The following ABLIM3 variants were observed in gnomAD, a reference collection of about 807,000 sequenced individuals.
ABLIM3 encodes actin binding LIM protein family member 3, also known as actin-binding LIM protein 3.
A neutral mutation model predicts 109.5 loss-of-function variants in ABLIM3; 61 were observed. The observed-to-expected ratio is 0.56, with a 90% CI of 0.45 to 0.69. The LOEUF (loss-of-function observed/expected upper bound fraction) is 0.69. Among genes scored for constraint, ABLIM3 ranks in the 30% least tolerant of loss-of-function variants. The pLI is 0.00. For missense variants in ABLIM3, 796 were observed against 889.5 expected (o/e 0.89, Z 1.34); for synonymous variants, 300 against 324.8 (o/e 0.92, Z 0.82).
intron 6 of ABLIM3, among the ~76,000 whole-genome samples, chr5:149,208,931 C>G (rs1015602347): frequency 1.3e-5 from 2 of 152,170 alleles, no homozygotes; most frequent in African/African-American, 2.4e-5. Flanking sequence ...TTCAAAAATG[C>G]AAAGAAGAAG....
chr5:149,181,297 G>C (rs1012919978), intron 2 of ABLIM3, among the ~76,000 whole-genome samples: 1 of 151,686 alleles, frequency 6.6e-6, no homozygotes. Context: ...AACATTCTGG[G>C]GGGTGGGGAA....
intron 2 of ABLIM3, among the ~76,000 whole-genome samples, chr5:149,154,618 T>A (rs1468308172): frequency 6.6e-6 from 1 of 152,254 alleles, no homozygotes; most frequent in African/African-American, 2.4e-5. Context: ...CCTTGAATTC[T>A]GTGTCTAGGG....
At chr5:149,225,692 A>G (rs1761114169) in intron 8 of ABLIM3, among the ~76,000 whole-genome samples, 2 of 152,022 alleles carry the variant, frequency 1.3e-5, no homozygotes, top group South Asian at 4.1e-4. Flanking sequence ...GTAGTCTTTT[A>G]TCCCCTACCC....
Position 149,247,942 on chromosome 5 carries a change from C to G in ABLIM3, c.1699+13C>G. The G allele has an allele frequency of 6.2e-7, 1 of 1,611,606 alleles. No individual in the cohort carries two copies. The highest frequency in any genetic ancestry group is 2.2e-5 in the East Asian group (1 of 44,808). On this transcript the variant is annotated intron_variant, in intron 18 of 23. Transcript: ENST00000309868. ...TCCCTCAATGGCTGTAAGCATGGCTCTGGAAGCCCAACGGGGCGGGGACAC... is the reference window on the plus strand; with the variant it reads ...TCCCTCAATGGCTGTAAGCATGGCTGTGGAAGCCCAACGGGGCGGGGACAC...
chr5:149,233,426 G>T lies in ABLIM3; in HGVS notation c.888+126G>T, dbSNP rs114858765. On this transcript the variant is annotated intron_variant, in intron 10 of 23. Coordinates refer to ENST00000309868, the MANE Select transcript of ABLIM3 (RefSeq NM_014945.5). ...GACATTTGATGCATGCTCTTCATGTGCTAGGCTCTGTACCAGGTCTTGAGG... is the reference window on the plus strand; with the variant it reads ...GACATTTGATGCATGCTCTTCATGTTCTAGGCTCTGTACCAGGTCTTGAGG... 2,079 of 978,412 alleles carry T rather than the reference G, an allele frequency of 2.1e-3. 26 individuals are homozygous for T. In the African/African-American group the frequency reaches 0.03, roughly 14 times the overall value. The allele number at this position is 978,412 out of a possible 1,614,324, so 60.6% of individuals were successfully genotyped here.
intron 2 of ABLIM3, among the ~76,000 whole-genome samples, chr5:149,169,268 A>T (rs373286439): frequency 1.3e-5 from 2 of 152,138 alleles, no homozygotes; most frequent in East Asian, 1.9e-4. Flanking sequence ...AAACCCAGAG[A>T]GGGCCAGTTC....
rs757974836 is a variant in ABLIM3, at chr5:149,233,231, T to C, written c.819T>C (p.His273=). The part of the protein sequence containing the change: ...QAARAEKKLK[H]RRTSETSISP... ...TTCTGTCTTCATCTCTCTCACAGCATAGACGGACATCTGAAACCTCCATCT... is the reference window on the plus strand; with the variant it reads ...TTCTGTCTTCATCTCTCTCACAGCACAGACGGACATCTGAAACCTCCATCT... Residue 273 remains histidine, a splice_region_variant and synonymous_variant, in exon 10 of 24, where the codon CAT becomes CAC. Transcript: ENST00000309868. The C allele has an allele frequency of 1.9e-6, 3 of 1,614,172 alleles. No individual in the cohort carries two copies. Among genetic ancestry groups the C allele is most frequent in the African/African-American group, 1.3e-5 (1 of 75,054 alleles).
rs146994646 is a variant in ABLIM3, at chr5:149,244,403, C to T, written c.1352-478C>T. 7 of 170,370 alleles carry T rather than the reference C, an allele frequency of 4.1e-5. No homozygotes were observed. The East Asian group carries it at 8.6e-4, about 21-fold the overall frequency. The allele number at this position is 170,370 out of a possible 1,614,324, so 10.6% of individuals were successfully genotyped here. ...CACTCCTTCCTTCAGGCTATGTAGT[C>T]CCTGAGCAGAATGTGGCATCTCAGG... On this transcript the variant is annotated intron_variant, in intron 15 of 23. Coordinates refer to ENST00000309868, the MANE Select transcript of ABLIM3 (RefSeq NM_014945.5).
At chr5:149,152,444 C>T (rs1408523417) in intron 2 of ABLIM3, among the ~76,000 whole-genome samples, 2 of 152,158 alleles carry the variant, frequency 1.3e-5, no homozygotes, top group Non-Finnish European at 2.9e-5. Context: ...GAGCAAAACC[C>T]TGCCACATGT....
At chr5:149,153,437 A>G (rs1580992694) in intron 2 of ABLIM3, among the ~76,000 whole-genome samples, 1 of 152,150 alleles carries the variant, frequency 6.6e-6, no homozygotes, top group South Asian at 2.1e-4. Flanking sequence ...CATGGCAGCC[A>G]TTGGAGGAAG....
rs141776433 is a variant in ABLIM3 at position 149,147,779 on chromosome 5, T to G, written c.13+5671T>G. On this transcript the variant is annotated intron_variant, in intron 2 of 23. Coordinates refer to ENST00000309868, the MANE Select transcript of ABLIM3 (RefSeq NM_014945.5). ...TTTTTTATGTGTTAGATGTGTGGTC[T>G]TCAGTATGGTTGTCTCATGAGCAAA... 2.8e-3 allele frequency among the ~76,000 whole-genome samples: 432 copies of G among 152,310 alleles called. 2 individuals carry two copies. Among genetic ancestry groups the G allele is most frequent in the African/African-American group, 0.01 (424 of 41,562 alleles).
chr5:149,195,726 C>CG (rs1271831072), intron 3 of ABLIM3, among the ~76,000 whole-genome samples: 2 of 152,230 alleles, frequency 1.3e-5, no homozygotes, highest in African/African-American at 4.8e-5. Context: ...ACCTGCACGG[C>CG]CCAGAACAGC....
chr5:149,256,807 T>C (rs1468306590), intron 23 of ABLIM3, among the ~76,000 whole-genome samples: 1 of 152,228 alleles, frequency 6.6e-6, no homozygotes, highest in Non-Finnish European at 1.5e-5. Context: ...ATGGGCTTTG[T>C]CCTATTTTCT....
At chr5:149,159,538 G>A (rs529621365) in intron 2 of ABLIM3, among the ~76,000 whole-genome samples, 31 of 152,248 alleles carry the variant, frequency 2.0e-4, no homozygotes, top group Middle Eastern at 3.4e-3. Flanking sequence ...ACATATATGC[G>A]TGTATCCCCT....
At chr5:149,205,803 G>C (rs1167311328) in intron 5 of ABLIM3, among the ~76,000 whole-genome samples, 1 of 152,202 alleles carries the variant, frequency 6.6e-6, no homozygotes, top group East Asian at 1.9e-4. Context: ...CAACAGCCAA[G>C]AGGCGGAGTA....
In ABLIM3 at chr5:149,258,743, G is replaced by A. The variant is rs973062774; in HGVS notation, c.*339G>A. 101 of 1,008,556 alleles carry A rather than the reference G, an allele frequency of 1.0e-4. No homozygotes were observed. Among genetic ancestry groups the A allele is most frequent in the South Asian group, 1.3e-4 (3 of 22,642 alleles). 62.5% of individuals were successfully genotyped at this position (1,008,556 alleles called of 1,614,324 possible). ...AAGAAGTCTCTCTTCTCTCTGCTTC[G>A]TGGCCCCTTTCTTAAATTTCTAGGG... On this transcript the variant is annotated 3_prime_UTR_variant, in exon 24 of 24. Transcript: ENST00000309868.
chr5:149,229,972 C>A (rs754720357), intron 8 of ABLIM3, among the ~76,000 whole-genome samples: 1 of 152,150 alleles, frequency 6.6e-6, no homozygotes, highest in Admixed American at 6.5e-5. Context: ...TGCTCTCAAG[C>A]GGAATATACA....
At position 149,259,225 on chromosome 5, in the gene ABLIM3, ACCCTCCTCTCT is replaced by A. The variant is rs1054018161; in HGVS notation, c.*827_*837del. On this transcript the variant is annotated 3_prime_UTR_variant, in exon 24 of 24. Transcript: ENST00000309868. ...AATCAGAGCTGCAGGATTTCTTGGG[ACCCTCCTCTCT>A]CCCTCACTGCTCCCAGCACCTCCTG... is the stretch of plus-strand genomic sequence containing the variant. 44 of 1,172,848 alleles carry A rather than the reference ACCCTCCTCTCT, an allele frequency of 3.8e-5. No homozygotes were observed. The African/African-American group carries it at 6.9e-4, about 18-fold the overall frequency. The allele number at this position is 1,172,848 out of a possible 1,614,324, so 72.7% of individuals were successfully genotyped here.
intron 8 of ABLIM3, among the ~76,000 whole-genome samples, chr5:149,230,023 G>A (rs778923752): frequency 6.6e-6 from 1 of 152,230 alleles, no homozygotes. Flanking sequence ...AGCTCTGGTA[G>A]ACAGTCATAA....
Sources: allele counts gnomAD v4.1 joint callset (sites outside exome capture counted in the v4.1 genomes callset), GRCh38; gene constraint gnomAD v4.1.1; transcripts MANE v1.5; gene names NCBI Gene and HGNC (gene_info 2026-07-23, HGNC 2026-07-21).